Variants in SLC17A5 observed in about 807,000 individuals in gnomAD.
SLC17A5 encodes the protein sialin.
In SLC17A5, 47 loss-of-function variants were observed where a neutral mutation model predicts 59.4. That is an observed-to-expected ratio of 0.79 (90% CI 0.63 to 1.01). The LOEUF is 1.01. Ranked by LOEUF, SLC17A5 falls within the 50% of genes least tolerant of loss-of-function variation. The probability of loss-of-function intolerance (pLI) is 0.00; values close to 1 mark genes in which losing one functional copy is unlikely to be tolerated. For missense variants in SLC17A5, 522 were observed against 595.5 expected, an observed-to-expected ratio of 0.88 and a Z score of 1.28; for synonymous variants, 202 against 210.7, an observed-to-expected ratio of 0.96 and a Z score of 0.36.
At chr6:73,613,639 G>A (rs1767728379) in intron 8 of SLC17A5, among the ~76,000 whole-genome samples, 1 of 152,146 alleles carries the variant, frequency 6.6e-6, no homozygotes, top group African/African-American at 2.4e-5. Flanking sequence ...TAGGATTACA[G>A]GCATAAGCCA....
chr6:73,634,799 A>G (rs775943442), intron 6 of SLC17A5, among the ~76,000 whole-genome samples: 27 of 152,274 alleles, frequency 1.8e-4, no homozygotes, highest in Non-Finnish European at 1.2e-4. Flanking sequence ...TTTGGATTTC[A>G]GAGTATTTTG....
At chr6:73,640,406 A>G (rs1769224862) in intron 3 of SLC17A5, among the ~76,000 whole-genome samples, 1 of 152,248 alleles carries the variant, frequency 6.6e-6, no homozygotes, top group African/African-American at 2.4e-5. Context: ...CTTATCACAT[A>G]TGAATTTTAT....
Position 73,641,754 on chromosome 6 carries a change from G to A in SLC17A5, c.462C>T (p.Pro154=). 6.2e-7 allele frequency: 1 copy of A among 1,614,110 alleles called. No individual in the cohort carries two copies. The highest frequency in any genetic ancestry group is 8.5e-7 in the Non-Finnish European group (1 of 1,180,004). The change falls in exon 3 of 11, where the codon CCC becomes CCT. Residue 154 remains proline, a synonymous_variant. Transcript: ENST00000355773. ...LGTAVLTLFT[P]IAADLGVGPL... is the part of the protein sequence containing the mutation. ...GTCCAACTCCTAAATCTGCAGCAAT[G>A]GGAGTGAACAGGGTGAGGACAGCAG...
At chr6:73,615,880 C>CTTTTTTG (rs1561990017) in intron 7 of SLC17A5, among the ~76,000 whole-genome samples, 64 of 97,592 alleles carry the variant, frequency 6.6e-4, no homozygotes, top group East Asian at 1.9e-3. Context: ...ATGAATCATT[C>CTTTTTTG]TTTTTTTTTT....
chr6:73,602,762 G>A (rs1053126723), intron 9 of SLC17A5, among the ~76,000 whole-genome samples: 8 of 141,104 alleles, frequency 5.7e-5, no homozygotes, highest in South Asian at 2.2e-4. Context: ...CCGACAGAGC[G>A]AGACTCCGTC....
chr6:73,598,628 T>A (rs1004082375), intron 10 of SLC17A5, among the ~76,000 whole-genome samples: 7 of 152,064 alleles, frequency 4.6e-5, no homozygotes, highest in African/African-American at 1.7e-4. Context: ...AGACTTCATC[T>A]CAAAAAGAAG....
Position 73,637,933 on chromosome 6 carries a change from G to A in SLC17A5, c.613+479C>T, listed in dbSNP as rs76322268. ...GTAGATCAAAATGATGGCAAATAAA[G>A]ATGCAATAGAAAAAAGATGCATGAA... On this transcript the variant is annotated intron_variant, in intron 4 of 10. Transcript: ENST00000355773. Among the ~76,000 whole-genome samples the A allele has an allele frequency of 7.1e-3, 1,087 of 152,152 alleles. 15 individuals carry two copies. The highest frequency in any genetic ancestry group is 0.025 in the African/African-American group (1,038 of 41,522).
At chr6:73,611,411 C>G (rs1767632776) in intron 8 of SLC17A5, among the ~76,000 whole-genome samples, 1 of 152,060 alleles carries the variant, frequency 6.6e-6, no homozygotes, top group South Asian at 2.1e-4. Context: ...TCCTGAATAG[C>G]TGGAATTACA....
In SLC17A5 at chr6:73,594,972, A is replaced by T. The variant is rs571443970; in HGVS notation, c.*105T>A. 6 of 1,231,002 alleles carry T rather than the reference A, an allele frequency of 4.9e-6. No homozygotes were observed. The South Asian group carries it at 7.5e-5, about 15-fold the overall frequency. The allele number at this position is 1,231,002 out of a possible 1,614,324, so 76.3% of individuals were successfully genotyped here. A position where few individuals can be genotyped will look rare whatever the true frequency, so the allele number is the denominator to read the frequency against. ...TAGGCCTTAAAAATCTAATACAAGT[A>T]CAATTAAAAAAAGACATAGAATGCT... On this transcript the variant is annotated 3_prime_UTR_variant, in exon 11 of 11. Transcript: ENST00000355773.
intron 2 of SLC17A5, 100 bp from the exon 3 acceptor site, chr6:73,642,024 C>G: frequency 9.1e-7 from 1 of 1,094,442 alleles, no homozygotes; most frequent in South Asian, 1.3e-5. Context: ...AGATTTTGAA[C>G]CACTATTTTG....
intron 6 of SLC17A5, among the ~76,000 whole-genome samples, chr6:73,630,384 T>G (rs1301513707): frequency 6.6e-6 from 1 of 152,202 alleles, no homozygotes; most frequent in African/African-American, 2.4e-5. Context: ...TGAAATCACA[T>G]TTCTACCTAT....
chr6:73,642,266 C>A (rs371684497), intron 2 of SLC17A5, among the ~76,000 whole-genome samples: 2 of 152,170 alleles, frequency 1.3e-5, no homozygotes, highest in African/African-American at 4.8e-5. Flanking sequence ...TACTATGGCT[C>A]GGGAGGCTGC....
chr6:73,611,280 T>C (rs1767627803), intron 8 of SLC17A5, among the ~76,000 whole-genome samples: 1 of 150,980 alleles, frequency 6.6e-6, no homozygotes, highest in Non-Finnish European at 1.5e-5. Context: ...CTGTCTTCAT[T>C]CTCTCTCTCT....
chr6:73,602,351 T>A (rs189573981), intron 9 of SLC17A5, among the ~76,000 whole-genome samples: 26 of 149,200 alleles, frequency 1.7e-4, no homozygotes, highest in African/African-American at 6.5e-4. Context: ...CTTTGTTCAC[T>A]TGTTTATCTG....
At chr6:73,595,916 GTATATATATACATATACATATATAT>G (rs1561982337) in intron 10 of SLC17A5, among the ~76,000 whole-genome samples, 7 of 722 alleles carry the variant, frequency 9.7e-3, no homozygotes, top group Non-Finnish European at 0.015. Context: ...ATATATATAC[GTATATATATACATATACATATATAT>G]ATATATACGT....
chr6:73,644,352 T>C, intron 2 of SLC17A5, 55 bp downstream of exon 2: 17 of 1,374,128 alleles, frequency 1.2e-5, no homozygotes, highest in Non-Finnish European at 1.8e-5. Context: ...TTAATATTTT[T>C]ACTTGCAAGT....
chr6:73,631,851 C>T (rs1202100368), intron 6 of SLC17A5, among the ~76,000 whole-genome samples: 1 of 151,006 alleles, frequency 6.6e-6, no homozygotes, highest in African/African-American at 2.5e-5. Flanking sequence ...TTTAAGTCCT[C>T]AGCTGACAAA....
chr6:73,602,383 T>C (rs1767177657), intron 9 of SLC17A5, among the ~76,000 whole-genome samples: 2 of 150,050 alleles, frequency 1.3e-5, no homozygotes, highest in Admixed American at 1.3e-4. Flanking sequence ...TCCACTATTG[T>C]CCTATGACCC....
intron 6 of SLC17A5, among the ~76,000 whole-genome samples, chr6:73,629,753 C>A (rs542380451): frequency 1.6e-4 from 25 of 151,830 alleles, no homozygotes; most frequent in African/African-American, 6.0e-4. Flanking sequence ...CCAGCCTGGG[C>A]AACAAGAGAA....
Sources: gnomAD v4.1 joint callset for allele counts (sites outside exome capture counted in the v4.1 genomes callset) on GRCh38, gnomAD v4.1.1 for gene constraint, MANE v1.5 for transcripts, NCBI Gene and HGNC (gene_info 2026-07-23, HGNC 2026-07-21) for gene names.